Variants in ITGB5 observed in about 807,000 individuals in gnomAD.
The protein encoded by ITGB5 is integrin beta-5.
A neutral mutation model predicts 84.8 loss-of-function variants in ITGB5; 38 were observed. That is an observed-to-expected ratio of 0.45 (90% confidence interval 0.35 to 0.59). ITGB5 has a LOEUF of 0.59. Among genes scored for constraint, ITGB5 ranks in the 20% least tolerant of loss-of-function variants. The probability of loss-of-function intolerance (pLI) is 0.01; values close to 1 mark genes in which losing one functional copy is unlikely to be tolerated. For missense variants in ITGB5, 905 were observed against 1,034.5 expected (o/e 0.87, Z 1.72); for synonymous variants, 393 against 414.4 (o/e 0.95, Z 0.63).
In ITGB5 at chr3:124,859,430, C is replaced by T. The variant is rs540739794; in HGVS notation, c.173G>A (p.Arg58Gln). ...CAGATCACACCGAGAGGTGATGGAC[C>T]GTGGGCTTCCGAAGTCCTAGGCAGG... Reference protein sequence around the residue: ...WCSKEDFGSPRSITSRCDLRA... With the variant: ...WCSKEDFGSPQSITSRCDLRA... Residue 58 changes from arginine to glutamine, a missense_variant, in exon 3 of 15, where the codon CGG (arginine) becomes CAG (glutamine). Physicochemically the swap from Arg to Gln is conservative, Grantham distance 43 (BLOSUM62 1). Around this residue, in one of 3 missense-constraint regions of ITGB5, gnomAD observed 656 missense variants for 734.7 expected, o/e 0.89. Transcript: ENST00000296181. 5.9e-4 allele frequency: 949 copies of T among 1,613,784 alleles called. 13 individuals carry two copies. In the South Asian group the frequency reaches 9.8e-3, roughly 17 times the overall value.
At chr3:124,840,161 T>TGTAAGTGA (rs1278424358) in intron 5 of ITGB5, among the ~76,000 whole-genome samples, 10 of 152,198 alleles carry the variant, frequency 6.6e-5, no homozygotes, top group Non-Finnish European at 1.3e-4. Flanking sequence ...TCAGAAACTG[T>TGTAAGTGA]GTAAGTGAGC....
At chr3:124,876,672 G>T (rs144171310) in intron 1 of ITGB5, among the ~76,000 whole-genome samples, 1 of 152,350 alleles carries the variant, frequency 6.6e-6, no homozygotes, top group African/African-American at 2.4e-5. Flanking sequence ...CCCACAGGGG[G>T]TGAGAACAAA....
intron 4 of ITGB5, among the ~76,000 whole-genome samples, chr3:124,847,377 G>C (rs1052545434): frequency 3.3e-5 from 5 of 152,212 alleles, no homozygotes; most frequent in Non-Finnish European, 2.9e-5. Context: ...GCTGAAGAAT[G>C]CAATCCCCTC....
At chr3:124,773,955 C>T in intron 10 of ITGB5, 43 bp from the exon 11 acceptor site, 1 of 1,536,916 alleles carries the variant, frequency 6.5e-7, no homozygotes, top group Non-Finnish European at 9.0e-7. Flanking sequence ...CTCACCTTTA[C>T]ACATGAGCAC....
chr3:124,900,928 A>T (rs1427682310), intron 1 of ITGB5, among the ~76,000 whole-genome samples: 1 of 152,202 alleles, frequency 6.6e-6, no homozygotes, highest in Non-Finnish European at 1.5e-5. Context: ...GTATTATAAG[A>T]GCAATAAAGA....
intron 10 of ITGB5, among the ~76,000 whole-genome samples, chr3:124,781,487 T>C (rs1175046118): frequency 6.6e-6 from 1 of 152,064 alleles, no homozygotes; most frequent in Non-Finnish European, 1.5e-5. Flanking sequence ...TGGTGTTGAT[T>C]GTAGAAAAAG....
intron 8 of ITGB5, among the ~76,000 whole-genome samples, chr3:124,812,575 C>A (rs1007375182): frequency 6.6e-6 from 1 of 152,218 alleles, no homozygotes; most frequent in Non-Finnish European, 1.5e-5. Flanking sequence ...GGCCAGCCCC[C>A]TCTGCACGTG....
chr3:124,763,029 C>G lies in ITGB5; in HGVS notation c.*594G>C, dbSNP rs1427705941. ...CTTGTTTCTTTTCATTATAAAAGTACTAAACAAACACGGACAGGAGAGGAA... is the reference window on the plus strand; with the variant it reads ...CTTGTTTCTTTTCATTATAAAAGTAGTAAACAAACACGGACAGGAGAGGAA... On this transcript the variant is annotated 3_prime_UTR_variant, in exon 15 of 15. Transcript: ENST00000296181. The G allele has an allele frequency of 6.6e-6, 1 of 152,250 alleles. No homozygotes were observed. Among genetic ancestry groups the G allele is most frequent in the Non-Finnish European group, 1.5e-5 (1 of 68,078 alleles). 9.4% of individuals were successfully genotyped at this position (152,250 alleles called of 1,614,324 possible). A position where few individuals can be genotyped will look rare whatever the true frequency, so the allele number is the denominator to read the frequency against.
At chr3:124,824,807 A>C (rs118158127) in intron 5 of ITGB5, among the ~76,000 whole-genome samples, 1 of 152,340 alleles carries the variant, frequency 6.6e-6, no homozygotes, top group East Asian at 1.9e-4. Context: ...ATTAGTCATT[A>C]AGGAAATGCA....
In ITGB5 at chr3:124,873,549, G is replaced by C; in HGVS notation, c.71-18C>G. On this transcript the variant is annotated intron_variant, in intron 1 of 14. Transcript: ENST00000296181. ...GTTGAGACCTTTAAAGCAAGATAAA[G>C]ATGCACTAATTAGTTCCTGGCTATA... The C allele has an allele frequency of 6.4e-7, 1 of 1,568,984 alleles. No homozygotes were observed. Among genetic ancestry groups the C allele is most frequent in the Non-Finnish European group, 8.8e-7 (1 of 1,138,834 alleles).
chr3:124,789,145 G>A (rs1326392017), intron 10 of ITGB5, among the ~76,000 whole-genome samples: 3 of 152,244 alleles, frequency 2.0e-5, no homozygotes, highest in Non-Finnish European at 4.4e-5. Context: ...AGATACAGCA[G>A]CAACCTGAGC....
At chr3:124,780,764 T>TA (rs1251544303) in intron 10 of ITGB5, 1 of 113,572 alleles carries the variant, frequency 8.8e-6, no homozygotes, top group Non-Finnish European at 1.8e-5. Context: ...CCCTCCCCTC[T>TA]CCCCGGCAGT....
intron 2 of ITGB5, among the ~76,000 whole-genome samples, chr3:124,869,301 C>T (rs1031473093): frequency 5.3e-5 from 8 of 152,162 alleles, no homozygotes; most frequent in African/African-American, 1.7e-4. Context: ...TGTGGCCAGG[C>T]GTGTTGGCTC....
chr3:124,838,871 G>A (rs2064974979), intron 5 of ITGB5, among the ~76,000 whole-genome samples: 2 of 152,186 alleles, frequency 1.3e-5, no homozygotes, highest in Non-Finnish European at 2.9e-5. Context: ...AAAGTGCTAG[G>A]ATTACAGGCG....
chr3:124,872,592 C>G (rs868635201), intron 2 of ITGB5, among the ~76,000 whole-genome samples: 2 of 152,214 alleles, frequency 1.3e-5, no homozygotes, highest in Middle Eastern at 6.8e-3. Context: ...GCAGACTGAG[C>G]CAGTCAAAAA....
Position 124,766,327 on chromosome 3 carries a change from GCCT to G in ITGB5, c.2033_2035del (p.Glu678del), listed in dbSNP as rs1559919762. The G allele has an allele frequency of 6.2e-7, 1 of 1,613,996 alleles. No homozygotes were observed. The highest frequency in any genetic ancestry group is 1.3e-5 in the African/African-American group (1 of 74,942). On this transcript the variant is annotated inframe_deletion, in exon 13 of 15. Transcript: ENST00000296181. ...GGCGGTTTTGTAGAAACATAGCACA[GCCT>G]CCTGGTCATCTTTCACTGGAAGAAA... is the stretch of plus-strand genomic sequence containing the variant.
intron 5 of ITGB5, among the ~76,000 whole-genome samples, chr3:124,830,528 A>T (rs1479195317): frequency 6.6e-6 from 1 of 152,200 alleles, no homozygotes; most frequent in African/African-American, 2.4e-5. Flanking sequence ...CTGTGTAGAA[A>T]AACAGAGAAA....
chr3:124,781,968 T>C (rs1203631065), intron 10 of ITGB5, among the ~76,000 whole-genome samples: 2 of 152,214 alleles, frequency 1.3e-5, no homozygotes, highest in Non-Finnish European at 2.9e-5. Context: ...GTCTATCTTA[T>C]AGGACATGGG....
At chr3:124,867,247 C>T (rs1430690295) in intron 2 of ITGB5, among the ~76,000 whole-genome samples, 1 of 152,112 alleles carries the variant, frequency 6.6e-6, no homozygotes, top group African/African-American at 2.4e-5. Context: ...TGCCCGACCC[C>T]ATTTCCATGC....
Sources: allele counts gnomAD v4.1 joint callset (sites outside exome capture counted in the v4.1 genomes callset), GRCh38; gene constraint gnomAD v4.1.1; regional missense constraint gnomAD v4.1.1; transcripts MANE v1.5; gene names NCBI Gene and HGNC (gene_info 2026-07-23, HGNC 2026-07-21).